The following TRPM4 variants were observed in gnomAD, a reference collection of about 807,000 sequenced individuals.
TRPM4 encodes transient receptor potential cation channel subfamily M member 4, also known as calcium-activated non-selective cation channel 1.
In TRPM4, 124 loss-of-function variants were observed where a neutral mutation model predicts 135.6. That is an observed-to-expected ratio of 0.91 (90% CI 0.79 to 1.06). TRPM4 has a LOEUF of 1.06. Among genes scored for constraint, TRPM4 ranks in the 50% least tolerant of loss-of-function variants. The pLI is 0.00. For synonymous variants in TRPM4, 745 were observed against 705.6 expected (o/e 1.06, Z -0.88); for missense variants, 1,658 against 1,671.4 (o/e 0.99, Z 0.14).
intron 12 of TRPM4, among the ~76,000 whole-genome samples, chr19:49,184,912 A>G (rs1022506124): frequency 6.6e-6 from 1 of 150,418 alleles, no homozygotes; most frequent in Non-Finnish European, 1.5e-5. Flanking sequence ...TACAGATAAG[A>G]TGTTTTCTGT....
In TRPM4 at chr19:49,174,935, G is replaced by A. The variant is rs112238237; in HGVS notation, c.1150+2827G>A. On this transcript the variant is annotated intron_variant, in intron 9 of 24. Coordinates refer to ENST00000252826, the MANE Select transcript of TRPM4 (RefSeq NM_017636.4). ...CTTTTTTTTTTTGAGATAAGGCCTC[G>A]CTCTGTTGCTCAGGCTGGAGTGCAG... Among the ~76,000 whole-genome samples, 8 of 150,786 alleles carry A rather than the reference G, an allele frequency of 5.3e-5. No homozygotes were observed. In the East Asian group the frequency reaches 5.8e-4, roughly 11 times the overall value.
chr19:49,166,251 A>G lies in TRPM4; in HGVS notation c.267+36A>G, dbSNP rs546623487. 24 of 1,557,334 alleles carry G rather than the reference A, an allele frequency of 1.5e-5. 1 individual carries two copies. In the Admixed American group the frequency reaches 3.3e-4, roughly 21 times the overall value. On this transcript the variant is annotated intron_variant, in intron 3 of 24. Transcript: ENST00000252826. ...CCTCTGTGGGCGGGGCCCGGGCACC[A>G]GGGGGCTGCATGCTCGGGGCTCCAG...
intron 2 of TRPM4, among the ~76,000 whole-genome samples, chr19:49,161,892 C>T (rs1568453500): frequency 1.3e-5 from 2 of 152,088 alleles, no homozygotes; most frequent in South Asian, 2.1e-4. Flanking sequence ...GGCCTCCCAA[C>T]GTGCTGGGAT....
At chr19:49,181,063 C>T (rs1221732171) in intron 9 of TRPM4, among the ~76,000 whole-genome samples, 2 of 152,050 alleles carry the variant, frequency 1.3e-5, no homozygotes, top group African/African-American at 4.8e-5. Flanking sequence ...CTCTCCATCC[C>T]TCCCACTGCT....
rs192428881 is a variant in TRPM4, at chr19:49,211,582, C to T, written c.*84C>T. 4,460 of 1,560,358 alleles carry T rather than the reference C, an allele frequency of 2.9e-3. 12 individuals are homozygous for T. Among genetic ancestry groups the T allele is most frequent in the Non-Finnish European group, 3.5e-3 (3,976 of 1,133,492 alleles). On this transcript the variant is annotated 3_prime_UTR_variant, in exon 25 of 25. Transcript: ENST00000252826. The surrounding 1 kb of genome is among the most constrained non-coding windows in gnomAD (Gnocchi z 4.8). The stretch of plus-strand genomic sequence containing the variant: ...GCTCATCTGGGCCTCGGCCCCCGCA[C>T]CTGGTGGCCTTGTCCTTGAGGTGAG...
In TRPM4 at chr19:49,190,756, T is replaced by C; in HGVS notation, c.2193T>C (p.Asn731=). The C allele has an allele frequency of 1.2e-6, 2 of 1,614,082 alleles. No homozygotes were observed. The highest frequency in any genetic ancestry group is 1.7e-6 in the Non-Finnish European group (2 of 1,180,010). The change falls in exon 16 of 25, where the codon AAT becomes AAC. Residue 731 remains asparagine (N), a synonymous_variant. Coordinates refer to ENST00000252826, the MANE Select transcript of TRPM4 (RefSeq NM_017636.4). ...AGTTTGACATGGATAGTGTCATTAA[T>C]GGGGAAGGGCCTGTCGGGTGAGTGG... ...ELEFDMDSVI[N]GEGPVGTADP...
At chr19:49,189,724 A>G (rs1968340941) in intron 14 of TRPM4, among the ~76,000 whole-genome samples, 1 of 152,106 alleles carries the variant, frequency 6.6e-6, no homozygotes, top group African/African-American at 2.4e-5. Context: ...GTCCCACTTT[A>G]GTACAGGAAG....
At chr19:49,173,780 T>C (rs7248786) in intron 9 of TRPM4, among the ~76,000 whole-genome samples, 4,653 of 151,884 alleles carry the variant, frequency 0.031, 117 homozygotes, top group African/African-American at 0.058. Flanking sequence ...ACCCCAGCCT[T>C]CCAAGTAGCT....
rs2122939655 is a variant in TRPM4, at chr19:49,183,060, C to T, written c.1609-18C>T. ...TTGGGGAGGGGCTGGTCCTCACCAC[C>T]CCTCCTTTTGCTGGCAGATGTATCT... On this transcript the variant is annotated intron_variant, in intron 11 of 24. Coordinates refer to ENST00000252826, the MANE Select transcript of TRPM4 (RefSeq NM_017636.4). 6.2e-7 allele frequency: 1 copy of T among 1,610,666 alleles called. No homozygotes were observed. Among genetic ancestry groups the T allele is most frequent in the Non-Finnish European group, 8.5e-7 (1 of 1,179,976 alleles).
In TRPM4 at chr19:49,160,760, G is replaced by T. The variant is rs538688402; in HGVS notation, c.92+2501G>T. Among the ~76,000 whole-genome samples the T allele has an allele frequency of 2.6e-4, 40 of 152,198 alleles. No individual in the cohort carries two copies. The South Asian group carries it at 7.3e-3, about 28-fold the overall frequency. ...GTGTGGAAAAACTTTCTGGGGCTGG[G>T]AGAGGATGAACAGGAGCTCGGGAGG... On this transcript the variant is annotated intron_variant, in intron 2 of 24. Transcript: ENST00000252826.
Position 49,202,187 on chromosome 19 carries a change from G to A in TRPM4, c.3131+46G>A, listed in dbSNP as rs765343465. 1.9e-5 allele frequency: 31 copies of A among 1,605,610 alleles called. 1 individual carries two copies. In the South Asian group the frequency reaches 2.3e-4, roughly 12 times the overall value. Reference sequence around the variant, plus strand: ...GATCTGACCCCACCCAGCATGACCCGTGGCCCTCTCATGACTCTTGAACCC... The same window carrying A: ...GATCTGACCCCACCCAGCATGACCCATGGCCCTCTCATGACTCTTGAACCC... On this transcript the variant is annotated intron_variant, in intron 20 of 24. Transcript: ENST00000252826.
At position 49,210,427 on chromosome 19, in the gene TRPM4, A is replaced by T. The variant is rs757929956; in HGVS notation, c.3328+22A>T. 1 of 1,610,756 alleles carries T rather than the reference A, an allele frequency of 6.2e-7. No individual in the cohort carries two copies. Among genetic ancestry groups the T allele is most frequent in the African/African-American group, 1.3e-5 (1 of 75,046 alleles). Reference sequence around the variant, plus strand: ...TTCCGTAAGAACAGAGCTTGGCTTAAAAAGGAGAAATATAGGGGACCGGGA... The same window carrying T: ...TTCCGTAAGAACAGAGCTTGGCTTATAAAGGAGAAATATAGGGGACCGGGA... On this transcript the variant is annotated intron_variant, in intron 21 of 24. Transcript: ENST00000252826. This position sits in a 1 kb window ranked among gnomAD's most constrained non-coding sequence, Gnocchi z 4.1.
chr19:49,172,055 C>T lies in TRPM4; in HGVS notation c.1097C>T (p.Ser366Phe), dbSNP rs751336317. ...TRKELLTVYS[S>F]EDGSEEFETI... The stretch of plus-strand genomic sequence containing the variant: ...AAGGAGCTCCTGACAGTCTATTCTT[C>T]TGAGGATGGGTCTGAGGAATTCGAG... The change falls in exon 9 of 25, where the codon TCT (serine) becomes TTT (phenylalanine). Residue 366 changes from serine to phenylalanine, a missense_variant. This residue lies in a region of TRPM4 where 1,412 missense variants were observed against 1,408.7 expected (regional missense o/e 1.00). Coordinates refer to ENST00000252826, the MANE Select transcript of TRPM4 (RefSeq NM_017636.4). 1.2e-6 allele frequency: 2 copies of T among 1,613,936 alleles called. No individual in the cohort carries two copies. The highest frequency in any genetic ancestry group is 1.7e-6 in the Non-Finnish European group (2 of 1,179,976).
rs374951420 is a variant in TRPM4 at position 49,174,573 on chromosome 19, C to A, written c.1150+2465C>A. ...CCCAGGAGTTTGAGACCAGCCTGGG[C>A]AGCATGGTGAAATGCCACCTCTATA... is the stretch of plus-strand genomic sequence containing the variant. On this transcript the variant is annotated intron_variant, in intron 9 of 24. Transcript: ENST00000252826. Among the ~76,000 whole-genome samples, 166 of 152,002 alleles carry A rather than the reference C, an allele frequency of 1.1e-3. 3 individuals are homozygous for A. The South Asian group carries it at 0.033, about 30-fold the overall frequency.
intron 9 of TRPM4, among the ~76,000 whole-genome samples, chr19:49,180,316 G>C (rs1255504942): frequency 6.6e-6 from 1 of 151,712 alleles, no homozygotes; most frequent in African/African-American, 2.4e-5. Flanking sequence ...GTGACCTCCA[G>C]GGTCTCTCGG....
chr19:49,197,679 CTTTCT>C (rs1356228144), intron 17 of TRPM4, among the ~76,000 whole-genome samples: 2 of 150,662 alleles, frequency 1.3e-5, no homozygotes, highest in African/African-American at 4.9e-5. Flanking sequence ...TTTTTGTTTT[CTTTCT>C]TTTCTTTTTT....
rs546301457 is a variant in TRPM4 at position 49,179,257 on chromosome 19, G to A, written c.1151-2092G>A. Among the ~76,000 whole-genome samples, 14 of 151,558 alleles carry A rather than the reference G, an allele frequency of 9.2e-5. No homozygotes were observed. In the South Asian group the frequency reaches 2.9e-3, roughly 32 times the overall value. ...TTTAGCAGAGACGAGGTTTCTCCAT[G>A]TTGGTCAGGCTGGTCTCGAACTCCT... On this transcript the variant is annotated intron_variant, in intron 9 of 24. Transcript: ENST00000252826.
rs142270489 is a variant in TRPM4 at position 49,166,197 on chromosome 19, C to T, written c.249C>T (p.Ala83=). 1.7e-4 allele frequency: 277 copies of T among 1,606,214 alleles called. 1 individual carries two copies. The African/African-American group carries it at 3.0e-3, about 17-fold the overall frequency. ...DAYGELDFTG[A]GRKHSNFLRL... ...ACGGAGAGCTGGACTTCACGGGGGC[C>T]GGCCGCAAGCACAGCAATGTGAGGC... The change falls in exon 3 of 25, where the codon GCC becomes GCT. Residue 83 remains alanine (A), a synonymous_variant. Transcript: ENST00000252826.
At chr19:49,194,516 A>G (rs1460462136) in intron 16 of TRPM4, among the ~76,000 whole-genome samples, 1 of 151,994 alleles carries the variant, frequency 6.6e-6, no homozygotes, top group Non-Finnish European at 1.5e-5. Context: ...AAGTGCTGGG[A>G]TTACAGGCAT....
Sources: allele counts gnomAD v4.1 joint callset (sites outside exome capture counted in the v4.1 genomes callset), GRCh38; gene constraint gnomAD v4.1.1; regional missense constraint gnomAD v4.1.1; non-coding constraint Gnocchi (gnomAD v3.1); transcripts MANE v1.5; gene names NCBI Gene and HGNC (gene_info 2026-07-23, HGNC 2026-07-21).